The following AKAIN1 variants were observed in gnomAD, a reference collection of about 807,000 sequenced individuals.
AKAIN1 encodes A-kinase anchor inhibitor 1, also known as A-kinase anchor protein inhibitor 1.
In AKAIN1, 3 loss-of-function variants were observed where a neutral mutation model predicts 3.7. The ratio of observed to expected loss-of-function variants is 0.82; its 90% CI spans 0.37 to 2.12. The LOEUF is 2.12. Among genes scored for constraint, AKAIN1 ranks in the 30% most tolerant of loss-of-function variants. AKAIN1 has a pLI of 0.06. For synonymous variants in AKAIN1, 31 were observed against 30.8 expected, an observed-to-expected ratio of 1.01 and a Z score of -0.02; for missense variants, 82 against 82.7, an observed-to-expected ratio of 0.99 and a Z score of 0.03.
chr18:5,165,228 G>A lies in AKAIN1; in HGVS notation c.17-19473C>T, dbSNP rs78862371. On this transcript the variant is annotated intron_variant, in intron 1 of 1. Transcript: ENST00000434239. Reference sequence around the variant, plus strand: ...CAACCTGCATCTTCTACTTATTAAGGGGAGATATCACCCAAGACTTTAATT... The same window carrying A: ...CAACCTGCATCTTCTACTTATTAAGAGGAGATATCACCCAAGACTTTAATT... 3.9e-3 allele frequency among the ~76,000 whole-genome samples: 598 copies of A among 151,964 alleles called. 3 individuals carry two copies. The highest frequency in any genetic ancestry group is 0.013 in the African/African-American group (547 of 41,468).
At chr18:5,187,626 A>G (rs2143028299) in intron 1 of AKAIN1, among the ~76,000 whole-genome samples, 1 of 152,194 alleles carries the variant, frequency 6.6e-6, no homozygotes, top group Non-Finnish European at 1.5e-5. Flanking sequence ...TGAGGACACA[A>G]ACTTCACAAC....
chr18:5,172,105 C>T (rs763907411), intron 1 of AKAIN1, among the ~76,000 whole-genome samples: 8 of 152,072 alleles, frequency 5.3e-5, no homozygotes, highest in Non-Finnish European at 8.8e-5. Context: ...GGACAAACTT[C>T]GCATATTTTC....
At chr18:5,174,592 T>C (rs1269496357) in intron 1 of AKAIN1, among the ~76,000 whole-genome samples, 1 of 151,990 alleles carries the variant, frequency 6.6e-6, no homozygotes, top group Non-Finnish European at 1.5e-5. Context: ...AATACAAAAA[T>C]TAGCAGAGCA....
chr18:5,175,389 G>A (rs1038234070), intron 1 of AKAIN1, among the ~76,000 whole-genome samples: 2 of 152,116 alleles, frequency 1.3e-5, no homozygotes, highest in East Asian at 1.9e-4. Context: ...CTTAGAACAC[G>A]AAAAGAGATC....
chr18:5,149,977 C>A (rs447117), intron 1 of AKAIN1, among the ~76,000 whole-genome samples: 3 of 152,006 alleles, frequency 2.0e-5, no homozygotes, highest in African/African-American at 7.2e-5. Context: ...ACCACACTAG[C>A]CTCCAGGCCA....
At chr18:5,168,803 G>C (rs1043995929) in intron 1 of AKAIN1, among the ~76,000 whole-genome samples, 2 of 151,126 alleles carry the variant, frequency 1.3e-5, no homozygotes, top group Non-Finnish European at 2.9e-5. Flanking sequence ...ATAATAAAAA[G>C]GGGCATTTGG....
At chr18:5,149,927 G>A (rs1348981955) in intron 1 of AKAIN1, among the ~76,000 whole-genome samples, 2 of 152,082 alleles carry the variant, frequency 1.3e-5, no homozygotes, top group Non-Finnish European at 2.9e-5. Context: ...CAATCCTCCA[G>A]CCTCAGACTC....
chr18:5,197,421 C>T (rs1567882454), upstream of AKAIN1: 15 of 1,253,482 alleles, frequency 1.2e-5, no homozygotes, highest in Non-Finnish European at 1.5e-5. This position sits in a 1 kb window ranked among gnomAD's most constrained non-coding sequence, Gnocchi z 6.9. Context: ...GTAAACTTCC[C>T]GGCAGGGGAC....
chr18:5,148,771 C>T (rs550097474), intron 1 of AKAIN1, among the ~76,000 whole-genome samples: 3 of 152,104 alleles, frequency 2.0e-5, no homozygotes, highest in Non-Finnish European at 2.9e-5. Context: ...GTGCAAGAAT[C>T]GCTTGAACCT....
rs114982925 is a variant in AKAIN1, at chr18:5,186,290, G to A, written c.16+10748C>T. Among the ~76,000 whole-genome samples the A allele has an allele frequency of 3.6e-3, 545 of 152,110 alleles. 2 individuals carry two copies. The highest frequency in any genetic ancestry group is 0.012 in the African/African-American group (518 of 41,496). ...CAAGTGCAATGATTATTACCTGGAT[G>A]GCAAAATAATCCGTACACCAAACCC... On this transcript the variant is annotated intron_variant, in intron 1 of 1. Coordinates refer to ENST00000434239, the MANE Select transcript of AKAIN1 (RefSeq NM_001145194.2).
chr18:5,162,066 A>G (rs2071142612), intron 1 of AKAIN1, among the ~76,000 whole-genome samples: 1 of 152,152 alleles, frequency 6.6e-6, no homozygotes, highest in South Asian at 2.1e-4. Context: ...ATTTATGTGT[A>G]AAAGGGCTAA....
chr18:5,155,210 T>G (rs927973810), intron 1 of AKAIN1, among the ~76,000 whole-genome samples: 3 of 152,058 alleles, frequency 2.0e-5, no homozygotes, highest in African/African-American at 7.2e-5. Flanking sequence ...TAAGAGACCA[T>G]CGACCATGGA....
intron 1 of AKAIN1, among the ~76,000 whole-genome samples, chr18:5,161,044 T>C (rs1275491174): frequency 1.3e-5 from 2 of 150,922 alleles, no homozygotes; most frequent in African/African-American, 4.8e-5. Flanking sequence ...TGAATTCCTA[T>C]GTAAATTTGG....
intron 1 of AKAIN1, among the ~76,000 whole-genome samples, chr18:5,173,778 GC>G (rs2143353764): frequency 6.6e-6 from 1 of 152,232 alleles, no homozygotes; most frequent in Admixed American, 6.5e-5. Flanking sequence ...CACTGATAGC[GC>G]CTGTAGCATT....
Position 5,167,086 on chromosome 18 carries a change from T to C in AKAIN1, c.17-21331A>G, listed in dbSNP as rs576292553. 3.5e-4 allele frequency among the ~76,000 whole-genome samples: 53 copies of C among 152,144 alleles called. 2 individuals are homozygous for C. The South Asian group carries it at 7.9e-3, about 23-fold the overall frequency. ...AAACGTGTTAAAAACTATATGATAA[T>C]TAAAGCAGTGTGATGTTAGCACCAA... On this transcript the variant is annotated intron_variant, in intron 1 of 1. Transcript: ENST00000434239.
intron 1 of AKAIN1, among the ~76,000 whole-genome samples, chr18:5,195,682 T>C (rs1489710507): frequency 6.6e-6 from 1 of 152,108 alleles, no homozygotes; most frequent in East Asian, 1.9e-4. Context: ...AATTAGGAGA[T>C]CAAATGAGAT....
At chr18:5,147,320 A>G (rs189250500) in intron 1 of AKAIN1, among the ~76,000 whole-genome samples, 1 of 152,338 alleles carries the variant, frequency 6.6e-6, no homozygotes, top group African/African-American at 2.4e-5. Flanking sequence ...GTTTAAGGCA[A>G]CTGCTCTTTT....
intron 1 of AKAIN1, among the ~76,000 whole-genome samples, chr18:5,168,952 A>G (rs925280141): frequency 2.0e-5 from 3 of 152,042 alleles, no homozygotes; most frequent in African/African-American, 7.2e-5. Flanking sequence ...TGTTTTAGTC[A>G]GGATTCACCA....
At chr18:5,197,327 T>C, upstream of AKAIN1, 3 of 1,315,046 alleles carry the variant, frequency 2.3e-6, no homozygotes, top group Non-Finnish European at 2.9e-6. The surrounding 1 kb of genome is among the most constrained non-coding windows in gnomAD (Gnocchi z 6.9). Flanking sequence ...CTGTGCCAGC[T>C]CGGCGACGTA....
Sources: gnomAD v4.1 joint callset for allele counts (sites outside exome capture counted in the v4.1 genomes callset) on GRCh38, gnomAD v4.1.1 for gene constraint, Gnocchi (gnomAD v3.1) non-coding constraint, MANE v1.5 for transcripts, NCBI Gene and HGNC (gene_info 2026-07-23, HGNC 2026-07-21) for gene names.